OPCML: variants seen among roughly 807,000 people sequenced by gnomAD.
OPCML encodes opioid binding protein/cell adhesion molecule like.
Under a neutral mutation model 37.8 loss-of-function variants are expected in OPCML, and 13 were observed. The observed-to-expected ratio is 0.34, with a 90% CI of 0.22 to 0.55. The LOEUF is 0.55. Ranked by LOEUF, OPCML falls within the 20% of genes least tolerant of loss-of-function variation. The probability of loss-of-function intolerance (pLI) is 0.91; values close to 1 mark genes in which losing one functional copy is unlikely to be tolerated. For synonymous variants in OPCML, 176 were observed against 168.8 expected, an observed-to-expected ratio of 1.04 and a Z score of -0.33; for missense variants, 341 against 435.6, an observed-to-expected ratio of 0.78 and a Z score of 1.93.
chr11:133,122,393 T>C (rs1949435873), intron 1 of OPCML, among the ~76,000 whole-genome samples: 1 of 152,150 alleles, frequency 6.6e-6, no homozygotes, highest in South Asian at 2.1e-4. Context: ...GTTTGCAGTG[T>C]CATCCTGCTG....
At chr11:133,026,797 G>C (rs1947563476) in intron 1 of OPCML, among the ~76,000 whole-genome samples, 1 of 151,992 alleles carries the variant, frequency 6.6e-6, no homozygotes, top group Non-Finnish European at 1.5e-5. Flanking sequence ...TGTTGGATTT[G>C]TGCTTCATAT....
At chr11:132,998,497 T>C (rs1946929500) in intron 1 of OPCML, among the ~76,000 whole-genome samples, 1 of 152,150 alleles carries the variant, frequency 6.6e-6, no homozygotes, top group Non-Finnish European at 1.5e-5. Context: ...CTTTAGGGCC[T>C]CCCATCTTTG....
intron 1 of OPCML, among the ~76,000 whole-genome samples, chr11:132,988,710 G>C (rs1946723150): frequency 6.6e-6 from 1 of 152,184 alleles, no homozygotes. Context: ...GCGATGAGGT[G>C]AGGTCAGGAA....
At chr11:133,483,866 T>C (rs1947455366) in intron 1 of OPCML, among the ~76,000 whole-genome samples, 1 of 146,806 alleles carries the variant, frequency 6.8e-6, no homozygotes. Context: ...GATAGATTCA[T>C]AGAGAGACTT....
chr11:132,938,659 G>A (rs999928541), intron 2 of OPCML, among the ~76,000 whole-genome samples: 2 of 152,136 alleles, frequency 1.3e-5, no homozygotes, highest in Non-Finnish European at 1.5e-5. Context: ...GCTCAAGGCC[G>A]TGGAGTTAGT....
intron 1 of OPCML, among the ~76,000 whole-genome samples, chr11:133,341,368 C>A (rs1943865470): frequency 6.6e-6 from 1 of 152,184 alleles, no homozygotes; most frequent in East Asian, 1.9e-4. Context: ...AGATAGACAA[C>A]TTATTCCTGG....
At chr11:132,926,968 C>T (rs1003975258) in intron 2 of OPCML, among the ~76,000 whole-genome samples, 5 of 151,964 alleles carry the variant, frequency 3.3e-5, no homozygotes, top group Non-Finnish European at 5.9e-5. Flanking sequence ...AAAAAACAAT[C>T]AGTGAACTTG....
intron 1 of OPCML, among the ~76,000 whole-genome samples, chr11:132,945,544 C>T (rs1198570687): frequency 6.6e-6 from 1 of 152,202 alleles, no homozygotes; most frequent in Non-Finnish European, 1.5e-5. Context: ...TAGGACATTA[C>T]TGCACACCAC....
At position 132,417,294 on chromosome 11, in the gene OPCML, A is replaced by G. The variant is rs1320676592; in HGVS notation, c.*2899T>C. On this transcript the variant is annotated 3_prime_UTR_variant, in exon 8 of 8. Coordinates refer to ENST00000524381, the MANE Select transcript of OPCML (RefSeq NM_001012393.5). ...CTCTCCCATGAAGCCATCCCCACCAAAGAAACACAAAAACACAGAAGCAGA... is the reference window on the plus strand; with the variant it reads ...CTCTCCCATGAAGCCATCCCCACCAGAGAAACACAAAAACACAGAAGCAGA... 1 of 152,248 alleles carries G rather than the reference A, an allele frequency of 6.6e-6. No individual in the cohort carries two copies. The highest frequency in any genetic ancestry group is 1.5e-5 in the Non-Finnish European group (1 of 68,060). 9.4% of individuals were successfully genotyped at this position (152,248 alleles called of 1,614,324 possible).
chr11:132,826,286 A>T (rs1940328703), intron 2 of OPCML, among the ~76,000 whole-genome samples: 1 of 152,256 alleles, frequency 6.6e-6, no homozygotes. Context: ...CATTTGAAAG[A>T]GCAAGTTTTT....
At chr11:132,570,804 T>TATATAGAGAGAGAGAGAGAGAGAGAGAG (rs2096436416) in intron 3 of OPCML, among the ~76,000 whole-genome samples, 1 of 90,762 alleles carries the variant, frequency 1.1e-5, no homozygotes, top group African/African-American at 5.0e-5. Flanking sequence ...TATATATATT[T>TATATAGAGAGAGAGAGAGAGAGAGAGAG]AGAGAGAGAG....
chr11:132,583,327 C>T (rs1204662487), intron 3 of OPCML, among the ~76,000 whole-genome samples: 1 of 152,046 alleles, frequency 6.6e-6, no homozygotes, highest in Non-Finnish European at 1.5e-5. Context: ...GACATGAGGC[C>T]TTGCTCTGTT....
In OPCML at chr11:133,299,570, G is replaced by A. The variant is rs866036463; in HGVS notation, c.61+232694C>T. 3 of 152,248 alleles carry A rather than the reference G, an allele frequency of 2.0e-5. No homozygotes were observed. In the South Asian group the frequency reaches 6.2e-4, roughly 31 times the overall value. 9.4% of individuals were successfully genotyped at this position (152,248 alleles called of 1,614,324 possible). On this transcript the variant is annotated intron_variant, in intron 1 of 7. Coordinates refer to ENST00000524381, the MANE Select transcript of OPCML (RefSeq NM_001012393.5). ...GCCTAAAGGCAGAACAAGAGAAAAT[G>A]GGTAGATTATTAAAAGTGAGTTAAT... is the stretch of plus-strand genomic sequence containing the variant.
At position 132,442,421 on chromosome 11, in the gene OPCML, T is replaced by C. The variant is rs187186589; in HGVS notation, c.506-5062A>G. On this transcript the variant is annotated intron_variant, in intron 4 of 7. Coordinates refer to ENST00000524381, the MANE Select transcript of OPCML (RefSeq NM_001012393.5). ...CGATATCTCAGCCATCAATCTTGCA[T>C]CCAATTTTCCTGTTTATTGCCTCAG... Among the ~76,000 whole-genome samples the C allele has an allele frequency of 2.6e-4, 40 of 152,338 alleles. No homozygotes were observed. The East Asian group carries it at 7.1e-3, about 27-fold the overall frequency.
chr11:132,550,739 C>T (rs1199238153), intron 3 of OPCML, among the ~76,000 whole-genome samples: 2 of 152,200 alleles, frequency 1.3e-5, no homozygotes, highest in Non-Finnish European at 2.9e-5. Context: ...TCACCCACTA[C>T]TGCCAGAGGA....
intron 1 of OPCML, among the ~76,000 whole-genome samples, chr11:133,261,666 G>C (rs1321595458): frequency 6.6e-6 from 1 of 152,220 alleles, no homozygotes; most frequent in African/African-American, 2.4e-5. Flanking sequence ...GTGTATAAAG[G>C]AACAGCGCAT....
chr11:133,446,569 C>T (rs911954356), intron 1 of OPCML, among the ~76,000 whole-genome samples: 26 of 152,216 alleles, frequency 1.7e-4, no homozygotes, highest in African/African-American at 5.3e-4. Context: ...GGACTATAGG[C>T]GTGCACCACC....
intron 4 of OPCML, among the ~76,000 whole-genome samples, chr11:132,479,740 G>A (rs1414810608): frequency 6.6e-6 from 1 of 152,164 alleles, no homozygotes; most frequent in African/African-American, 2.4e-5. Context: ...CAGCCTAACT[G>A]GGAGGCACCC....
intron 1 of OPCML, among the ~76,000 whole-genome samples, chr11:133,046,445 A>G (rs1948018471): frequency 6.6e-6 from 1 of 152,088 alleles, no homozygotes; most frequent in Non-Finnish European, 1.5e-5. Context: ...CCATTCTTAC[A>G]GTCTGTTCTT....
Sources: gnomAD v4.1 joint callset for allele counts (sites outside exome capture counted in the v4.1 genomes callset) on GRCh38, gnomAD v4.1.1 for gene constraint, MANE v1.5 for transcripts, NCBI Gene and HGNC (gene_info 2026-07-23, HGNC 2026-07-21) for gene names.